The following GYG2 variants were observed in gnomAD, a reference collection of about 807,000 sequenced individuals.
GYG2 encodes the protein glycogenin 2.
In GYG2, 29 loss-of-function variants were observed where a neutral mutation model predicts 29.4. The ratio of observed to expected loss-of-function variants is 0.99; its 90% confidence interval spans 0.74 to 1.35. The LOEUF (loss-of-function observed/expected upper bound fraction) is 1.35, where lower values mean the gene tolerates loss of function less well. Ranked by LOEUF, GYG2 falls within the 40% of genes most tolerant of loss-of-function variation. The probability of loss-of-function intolerance (pLI) is 0.00; values close to 1 mark genes in which losing one functional copy is unlikely to be tolerated. For synonymous variants in GYG2, 167 were observed against 172.3 expected (o/e 0.97, Z 0.24); for missense variants, 370 against 385.7 (o/e 0.96, Z 0.34).
rs1328018000 is a variant in GYG2, at chrX:2,855,090, T to C, written c.422T>C (p.Phe141Ser). The C allele has an allele frequency of 8.3e-7, 1 of 1,209,705 alleles. No homozygotes were observed. The highest frequency in any genetic ancestry group is 1.1e-6 in the Non-Finnish European group (1 of 894,759). Residue 141 changes from phenylalanine (F) to serine (S), a missense_variant, in exon 5 of 11, where the codon TTC (phenylalanine) becomes TCC (serine). By Grantham distance (155) the Phe-to-Ser change is radical (BLOSUM62 -2). Transcript: ENST00000398806. Reference sequence around the variant, plus strand: ...TGCTTCAATAGCGGGGTGTTTGTCTTCCAGCCTTCTCTCCACACGCATAAA... The same window carrying C: ...TGCTTCAATAGCGGGGTGTTTGTCTCCCAGCCTTCTCTCCACACGCATAAA... ...PDCFNSGVFV[F>S]QPSLHTHKLL...
At chrX:2,874,884 G>T (rs759841308) in intron 8 of GYG2, among the ~76,000 whole-genome samples, 1 of 111,455 alleles carries the variant, frequency 9.0e-6, no homozygotes, top group Non-Finnish European at 1.9e-5. Flanking sequence ...AGGCAAGAGG[G>T]GCTCATGTTG....
At chrX:2,855,969 T>G (rs2087974478) in intron 5 of GYG2, among the ~76,000 whole-genome samples, 1 of 111,797 alleles carries the variant, frequency 8.9e-6, no homozygotes, top group African/African-American at 3.2e-5. Context: ...AAAACTTTAT[T>G]TATAAAAACA....
chrX:2,859,987 G>A lies in GYG2; in HGVS notation c.759G>A (p.Trp253Ter). 8.3e-7 allele frequency: 1 copy of A among 1,206,970 alleles called. No homozygotes were observed. The highest frequency in any genetic ancestry group is 1.1e-6 in the Non-Finnish European group (1 of 892,629). Residue 253 changes from tryptophan to a stop codon, truncating the protein, a stop_gained, in exon 7 of 11, where the codon TGG becomes TGA. Coordinates refer to ENST00000398806, the MANE Select transcript of GYG2 (RefSeq NM_001079855.2). LOFTEE classifies it high-confidence loss of function. ...QHQAAFLHLW[W>*]TVYQNNVLPL... is the part of the protein sequence containing the mutation. ...AGGCGGCATTCCTTCATCTCTGGTG[G>A]ACGGTCTACCAGAACAACGTGCTGC...
At chrX:2,868,683 G>A (rs1380067018) in intron 8 of GYG2, among the ~76,000 whole-genome samples, 1 of 109,783 alleles carries the variant, frequency 9.1e-6, no homozygotes, top group Non-Finnish European at 1.9e-5. Context: ...ATTGGGGGGC[G>A]AGGGGAGGGA....
chrX:2,866,677 A>G (rs1449426698), intron 8 of GYG2, among the ~76,000 whole-genome samples: 2 of 111,654 alleles, frequency 1.8e-5, no homozygotes, highest in African/African-American at 6.5e-5. Flanking sequence ...AGGATATTGT[A>G]TGTTCCCAAA....
chrX:2,841,833 C>T (rs1044440361), intron 2 of GYG2, among the ~76,000 whole-genome samples: 8 of 112,159 alleles, frequency 7.1e-5, no homozygotes, highest in South Asian at 3.7e-4. Flanking sequence ...TGGGACTTCT[C>T]GGCATTGCTG....
At chrX:2,846,056 T>TATATATATATATA (rs1491432509) in intron 3 of GYG2, among the ~76,000 whole-genome samples, 12 of 9,707 alleles carry the variant, frequency 1.2e-3, no homozygotes, top group South Asian at 0.016. Flanking sequence ...TATATATATA[T>TATATATATATATA]TTTTTTTTTT....
At chrX:2,831,666 G>A (rs1411877033) in intron 2 of GYG2, among the ~76,000 whole-genome samples, 1 of 111,729 alleles carries the variant, frequency 9.0e-6, no homozygotes, top group Non-Finnish European at 1.9e-5. Context: ...ACGGACATTC[G>A]CATACATCTT....
chrX:2,856,033 A>G (rs1569064045), intron 5 of GYG2, among the ~76,000 whole-genome samples: 1 of 112,419 alleles, frequency 8.9e-6, no homozygotes, highest in Non-Finnish European at 1.9e-5. Flanking sequence ...AATTAAAAGG[A>G]GGCAACCTGA....
At position 2,830,144 on chromosome X, in the gene GYG2, C is replaced by T. The variant is rs767250409; in HGVS notation, c.-45C>T. ...AGGAAGTCCACCCACTGCTCCCGGG[C>T]GCAGGTCTGCAGGTCCGCGCCCACT... On this transcript the variant is annotated 5_prime_UTR_variant, in exon 2 of 11. Transcript: ENST00000398806. 71 of 1,193,330 alleles carry T rather than the reference C, an allele frequency of 5.9e-5. No homozygotes were observed. In the Middle Eastern group the frequency reaches 9.3e-4, roughly 16 times the overall value.
chrX:2,849,445 AAAAG>A (rs910350018), intron 3 of GYG2, among the ~76,000 whole-genome samples: 23 of 112,171 alleles, frequency 2.1e-4, no homozygotes, highest in Non-Finnish European at 3.2e-4. Context: ...GAGAGAAAGA[AAAAG>A]AAAGAAAGAA....
At chrX:2,861,239 A>T (rs2088156534) in intron 7 of GYG2, among the ~76,000 whole-genome samples, 1 of 111,844 alleles carries the variant, frequency 8.9e-6, no homozygotes, top group Non-Finnish European at 1.9e-5. Context: ...CTTCACAAAC[A>T]TTGACTTGTC....
intron 6 of GYG2, 52 bp downstream of exon 6, chrX:2,856,676 C>T (rs1221699847): frequency 9.2e-7 from 1 of 1,087,071 alleles, no homozygotes; most frequent in East Asian, 3.1e-5. Context: ...ACCGATCCAC[C>T]TTCCCTCCTG....
rs1603460605 is a variant in GYG2, at chrX:2,882,079, C to G, written c.*866C>G. 9.0e-6 allele frequency: 1 copy of G among 110,697 alleles called. No individual in the cohort carries two copies. Among genetic ancestry groups the G allele is most frequent in the Admixed American group, 9.7e-5 (1 of 10,332 alleles). 9.1% of individuals were successfully genotyped at this position (110,697 alleles called of 1,213,427 possible). A position where few individuals can be genotyped will look rare whatever the true frequency, so the allele number is the denominator to read the frequency against. ...TAACTTAGTGAATCACTGCCCTCCT[C>G]AAAGCCATTTCCACTCAGCTCTTTC... On this transcript the variant is annotated 3_prime_UTR_variant, in exon 11 of 11. Transcript: ENST00000398806.
Position 2,852,204 on chromosome X carries a change from C to T in GYG2, c.150-1776C>T, listed in dbSNP as rs1423698541. On this transcript the variant is annotated intron_variant, in intron 3 of 10. Coordinates refer to ENST00000398806, the MANE Select transcript of GYG2 (RefSeq NM_001079855.2). ...CCCAGGAGTTCGAGGCTGCAATGAG[C>T]TATGATTGCACCACTGAACTCTAGC... Among the ~76,000 whole-genome samples the T allele has an allele frequency of 2.7e-5, 3 of 112,156 alleles. No individual in the cohort carries two copies. In the East Asian group the frequency reaches 8.4e-4, roughly 31 times the overall value.
rs1194617753 is a variant in GYG2 at position 2,852,784 on chromosome X, A to G, written c.150-1196A>G. 3.6e-5 allele frequency: 4 copies of G among 111,614 alleles called. No individual in the cohort carries two copies. In the Admixed American group the frequency reaches 3.9e-4, roughly 11 times the overall value. 9.2% of individuals were successfully genotyped at this position (111,614 alleles called of 1,213,427 possible). A position where few individuals can be genotyped will look rare whatever the true frequency, so the allele number is the denominator to read the frequency against. Reference sequence around the variant, plus strand: ...GCATGCATTTCTTTTTCATAATATTAATATTTATTACTATATATGAATACT... The same window carrying G: ...GCATGCATTTCTTTTTCATAATATTGATATTTATTACTATATATGAATACT... On this transcript the variant is annotated intron_variant, in intron 3 of 10. Coordinates refer to ENST00000398806, the MANE Select transcript of GYG2 (RefSeq NM_001079855.2).
At chrX:2,872,131 C>T (rs1432337679) in intron 8 of GYG2, among the ~76,000 whole-genome samples, 1 of 112,049 alleles carries the variant, frequency 8.9e-6, no homozygotes, top group Non-Finnish European at 1.9e-5. Flanking sequence ...GAATTCTTCT[C>T]TGGCCTGCCT....
Position 2,830,003 on chromosome X carries a change from G to T in GYG2, c.-128-58G>T, listed in dbSNP as rs765669192. ...ACATGGAGTGGGTAGGAGGCCGGGG[G>T]TGACACTGGCGGGGCCTGCAGCCGA... On this transcript the variant is annotated intron_variant, in intron 1 of 10. Coordinates refer to ENST00000398806, the MANE Select transcript of GYG2 (RefSeq NM_001079855.2). 344 of 450,015 alleles carry T rather than the reference G, an allele frequency of 7.6e-4. 3 individuals are homozygous for T. In the African/African-American group the frequency reaches 8.0e-3, roughly 10 times the overall value. 37.1% of individuals were successfully genotyped at this position (450,015 alleles called of 1,213,427 possible).
intron 5 of GYG2, among the ~76,000 whole-genome samples, chrX:2,855,614 G>A (rs987600777): frequency 1.3e-4 from 15 of 112,162 alleles, no homozygotes; most frequent in Admixed American, 4.7e-4. Context: ...TGGGCTGGCC[G>A]TGGTGGCTCA....
Sources: allele counts gnomAD v4.1 joint callset (sites outside exome capture counted in the v4.1 genomes callset), GRCh38; gene constraint gnomAD v4.1.1; transcripts MANE v1.5; gene names NCBI Gene and HGNC (gene_info 2026-07-23, HGNC 2026-07-21).